Variants in TMEM132B observed in about 807,000 individuals in gnomAD.
TMEM132B encodes the protein transmembrane protein 132B.
A neutral mutation model predicts 90.8 loss-of-function variants in TMEM132B; 18 were observed. The observed-to-expected ratio is 0.20, with a 90% confidence interval of 0.14 to 0.29. The LOEUF (loss-of-function observed/expected upper bound fraction) is 0.29, where lower values mean the gene tolerates loss of function less well. Among genes scored for constraint, TMEM132B ranks in the 10% least tolerant of loss-of-function variants. The pLI, the probability that TMEM132B is intolerant of heterozygous loss-of-function variation, is 1.00. For synonymous variants in TMEM132B, 504 were observed against 523.3 expected, an observed-to-expected ratio of 0.96 and a Z score of 0.50; for missense variants, 1,096 against 1,326.8, an observed-to-expected ratio of 0.83 and a Z score of 2.70.
At chr12:125,640,361 CAT>C (rs1886598152) in intron 5 of TMEM132B, among the ~76,000 whole-genome samples, 1 of 152,116 alleles carries the variant, frequency 6.6e-6, no homozygotes. Flanking sequence ...GGTGCTGGTG[CAT>C]AGTTGACTGG....
chr12:125,466,667 T>A (rs1881569255), intron 3 of TMEM132B, among the ~76,000 whole-genome samples: 1 of 152,254 alleles, frequency 6.6e-6, no homozygotes, highest in African/African-American at 2.4e-5. Context: ...AAGAAAATGC[T>A]GGAATATCAA....
At chr12:125,573,719 G>GCT (rs1208050349) in intron 4 of TMEM132B, among the ~76,000 whole-genome samples, 1 of 152,186 alleles carries the variant, frequency 6.6e-6, no homozygotes, top group Non-Finnish European at 1.5e-5. Context: ...CATAGAAAGG[G>GCT]AGAGTGTGAA....
intron 1 of TMEM132B, among the ~76,000 whole-genome samples, chr12:125,324,027 A>G (rs1232636085): frequency 6.6e-6 from 1 of 152,188 alleles, no homozygotes; most frequent in Non-Finnish European, 1.5e-5. Context: ...AGAAACACAC[A>G]CATACACACA....
intron 4 of TMEM132B, among the ~76,000 whole-genome samples, chr12:125,570,681 C>T (rs1026875507): frequency 1.4e-4 from 21 of 152,178 alleles, no homozygotes; most frequent in Non-Finnish European, 1.0e-4. Context: ...CTGATTTCAG[C>T]GTTATATAAT....
At chr12:125,605,618 G>A (rs945136332) in intron 5 of TMEM132B, among the ~76,000 whole-genome samples, 5 of 152,096 alleles carry the variant, frequency 3.3e-5, no homozygotes, top group South Asian at 4.1e-4. Context: ...TTCAGTGGGC[G>A]TCTGTACTCT....
At position 125,186,661 on chromosome 12, in the gene TMEM132B, C is replaced by G. The variant is rs1011858549; in HGVS notation, c.-139C>G. Among the ~76,000 whole-genome samples the G allele has an allele frequency of 3.4e-5, 5 of 146,532 alleles. No individual in the cohort carries two copies. The highest frequency in any genetic ancestry group is 7.6e-5 in the Non-Finnish European group (5 of 65,910). On this transcript the variant is annotated 5_prime_UTR_variant, in exon 1 of 9. Coordinates refer to ENST00000682704, the MANE Select transcript of TMEM132B (RefSeq NM_001366854.1). The surrounding 1 kb of genome is among the most constrained non-coding windows in gnomAD (Gnocchi z 6.3). ...GCGCCGCCAGCGCCGGCGCATGCGT[C>G]TGGGGAGGAGCGGCGCGCTGGGAGC... is the stretch of plus-strand genomic sequence containing the variant.
chr12:125,562,645 AC>A (rs1282733494), intron 4 of TMEM132B, among the ~76,000 whole-genome samples: 1 of 152,050 alleles, frequency 6.6e-6, no homozygotes, highest in Non-Finnish European at 1.5e-5. Flanking sequence ...AGCTCTCATA[AC>A]CCCCACATGT....
chr12:125,397,984 C>T (rs1879213472), intron 2 of TMEM132B, among the ~76,000 whole-genome samples: 1 of 152,104 alleles, frequency 6.6e-6, no homozygotes, highest in Non-Finnish European at 1.5e-5. Context: ...AGAGTATGTC[C>T]CACATAGTGA....
chr12:125,245,550 G>C (rs534800681), intron 1 of TMEM132B, among the ~76,000 whole-genome samples: 10 of 152,332 alleles, frequency 6.6e-5, no homozygotes, highest in Non-Finnish European at 1.5e-4. Flanking sequence ...GATGGGGCCT[G>C]TGCAGTTCTG....
At chr12:125,529,287 A>T (rs1295761620) in intron 4 of TMEM132B, among the ~76,000 whole-genome samples, 1 of 151,976 alleles carries the variant, frequency 6.6e-6, no homozygotes, top group Non-Finnish European at 1.5e-5. Context: ...TGTAGAGATG[A>T]GGTCTCACCA....
At chr12:125,332,518 T>G (rs142767135) in intron 1 of TMEM132B, among the ~76,000 whole-genome samples, 1,593 of 149,890 alleles carry the variant, frequency 0.011, 18 homozygotes, top group Non-Finnish European at 0.016. Context: ...CATTTCTTCA[T>G]AGCTCTGCAC....
chr12:125,545,310 TC>T (rs1249230112), intron 4 of TMEM132B, among the ~76,000 whole-genome samples: 4 of 152,232 alleles, frequency 2.6e-5, no homozygotes, highest in African/African-American at 9.6e-5. Flanking sequence ...GATAAACCTT[TC>T]TGGTATTCTG....
chr12:125,310,981 G>A lies in TMEM132B; in HGVS notation c.68-38471G>A, dbSNP rs553548910. On this transcript the variant is annotated intron_variant, in intron 1 of 8. Transcript: ENST00000682704. ...GTTCAATTATATGCACCTGTTCCCGGAGCTTCCCAACTCTTCAGTGAAAGA... is the reference window on the plus strand; with the variant it reads ...GTTCAATTATATGCACCTGTTCCCGAAGCTTCCCAACTCTTCAGTGAAAGA... Among the ~76,000 whole-genome samples, 8 of 152,304 alleles carry A rather than the reference G, an allele frequency of 5.3e-5. No homozygotes were observed. In the East Asian group the frequency reaches 1.4e-3, roughly 26 times the overall value.
At chr12:125,193,579 G>A (rs1872851077) in intron 1 of TMEM132B, among the ~76,000 whole-genome samples, 2 of 152,208 alleles carry the variant, frequency 1.3e-5, no homozygotes, top group African/African-American at 4.8e-5. Context: ...AGAGGAGGTG[G>A]CAGTTTTCTA....
At chr12:125,373,877 C>G (rs969668408) in intron 2 of TMEM132B, among the ~76,000 whole-genome samples, 5 of 152,358 alleles carry the variant, frequency 3.3e-5, no homozygotes, top group African/African-American at 1.2e-4. Context: ...TCACTGCAAC[C>G]TCCGCCTCCT....
intron 2 of TMEM132B, among the ~76,000 whole-genome samples, chr12:125,384,294 C>G (rs1566019276): frequency 6.6e-6 from 1 of 152,204 alleles, no homozygotes; most frequent in Non-Finnish European, 1.5e-5. Context: ...ATATCCTTGT[C>G]ATACCACCTA....
intron 1 of TMEM132B, among the ~76,000 whole-genome samples, chr12:125,283,001 G>A (rs1310125531): frequency 6.6e-6 from 1 of 152,166 alleles, no homozygotes; most frequent in African/African-American, 2.4e-5. Context: ...GAGAAAGCGG[G>A]TATTCTGTTC....
chr12:125,513,275 A>T (rs1003984201), intron 3 of TMEM132B, among the ~76,000 whole-genome samples: 4 of 152,194 alleles, frequency 2.6e-5, no homozygotes, highest in Non-Finnish European at 5.9e-5. Context: ...CAGCCTTCTA[A>T]GTGTGGGGGA....
intron 1 of TMEM132B, among the ~76,000 whole-genome samples, chr12:125,242,961 C>T (rs143977509): frequency 2.0e-5 from 3 of 148,706 alleles, no homozygotes; most frequent in African/African-American, 4.9e-5. Flanking sequence ...ATTTTAGAAT[C>T]GGGGTACATG....
Sources: gnomAD v4.1 joint callset for allele counts (sites outside exome capture counted in the v4.1 genomes callset) on GRCh38, gnomAD v4.1.1 for gene constraint, Gnocchi (gnomAD v3.1) non-coding constraint, MANE v1.5 for transcripts, NCBI Gene and HGNC (gene_info 2026-07-23, HGNC 2026-07-21) for gene names.